Variants in PAK1 observed in about 807,000 individuals in gnomAD.
PAK1 encodes serine/threonine-protein kinase PAK 1.
A neutral mutation model predicts 67.4 loss-of-function variants in PAK1; 29 were observed. That is an observed-to-expected ratio of 0.43 (90% CI 0.32 to 0.59). The LOEUF (loss-of-function observed/expected upper bound fraction) is 0.59. Among genes scored for constraint, PAK1 ranks in the 20% least tolerant of loss-of-function variants. PAK1 has a pLI of 0.07. For synonymous variants in PAK1, 223 were observed against 237.4 expected (o/e 0.94, Z 0.56); for missense variants, 337 against 670.7 (o/e 0.50, Z 5.50).
At chr11:77,435,182 A>G (rs370674772) in intron 1 of PAK1, among the ~76,000 whole-genome samples, 2 of 152,124 alleles carry the variant, frequency 1.3e-5, no homozygotes, top group African/African-American at 4.8e-5. Flanking sequence ...TGAATTGTAT[A>G]CACTCTAAGT....
intron 1 of PAK1, among the ~76,000 whole-genome samples, chr11:77,440,257 AG>A (rs1956296802): frequency 6.6e-6 from 1 of 152,208 alleles, no homozygotes; most frequent in Admixed American, 6.5e-5. Context: ...AAAAATAGCC[AG>A]GTGCAGGGCC....
intron 5 of PAK1, among the ~76,000 whole-genome samples, chr11:77,365,441 T>C (rs1197398843): frequency 1.4e-5 from 2 of 146,968 alleles, no homozygotes. Flanking sequence ...ACAGAAAAAA[T>C]ATTTAAAGAA....
chr11:77,387,510 T>G (rs969042620), intron 2 of PAK1, among the ~76,000 whole-genome samples: 1 of 152,240 alleles, frequency 6.6e-6, no homozygotes, highest in Non-Finnish European at 1.5e-5. Context: ...CACTTTCCAC[T>G]TGTGAGACCT....
chr11:77,434,572 CA>C (rs1956024107), intron 1 of PAK1, among the ~76,000 whole-genome samples: 1 of 151,978 alleles, frequency 6.6e-6, no homozygotes, highest in African/African-American at 2.4e-5. Flanking sequence ...CTCAGCCTCC[CA>C]AGTAGCTGAA....
chr11:77,369,444 CTTTTTT>C (rs147630042), intron 5 of PAK1, among the ~76,000 whole-genome samples: 6 of 86,728 alleles, frequency 6.9e-5, no homozygotes, highest in East Asian at 3.3e-4. Context: ...TTATACATTT[CTTTTTT>C]TTTTTTTTTT....
chr11:77,329,830 A>C (rs997483971), intron 14 of PAK1, among the ~76,000 whole-genome samples: 1 of 152,170 alleles, frequency 6.6e-6, no homozygotes, highest in Non-Finnish European at 1.5e-5. Context: ...ATTAGGAAAA[A>C]AAGAAGTCAA....
At chr11:77,467,039 CA>C (rs1957630151) in intron 1 of PAK1, among the ~76,000 whole-genome samples, 1 of 152,184 alleles carries the variant, frequency 6.6e-6, no homozygotes, top group Admixed American at 6.5e-5. Flanking sequence ...CACGCCTCCC[CA>C]CTTTACACCC....
chr11:77,435,907 T>C (rs953483038), intron 1 of PAK1, among the ~76,000 whole-genome samples: 7 of 152,162 alleles, frequency 4.6e-5, no homozygotes, highest in Admixed American at 1.3e-4. Context: ...TTAAGTAGAT[T>C]TGTGTGTTTT....
intron 5 of PAK1, among the ~76,000 whole-genome samples, chr11:77,373,562 T>TAAA (rs34413403): frequency 5.0e-5 from 6 of 120,764 alleles, no homozygotes; most frequent in Non-Finnish European, 6.8e-5. Context: ...CTCGTCTCTT[T>TAAA]AAAAAAAAAA....
chr11:77,325,420 A>G (rs773354734), intron 14 of PAK1: 6 of 1,602,460 alleles, frequency 3.7e-6, no homozygotes, highest in Middle Eastern at 1.9e-4. Flanking sequence ...GAGTTGTTGT[A>G]AAGGACAATA....
intron 8 of PAK1, among the ~76,000 whole-genome samples, chr11:77,350,807 G>A (rs543052591): frequency 5.5e-4 from 84 of 152,082 alleles, no homozygotes; most frequent in Admixed American, 1.0e-3. Flanking sequence ...AATAAGGATT[G>A]GATGACTTGT....
intron 14 of PAK1, among the ~76,000 whole-genome samples, chr11:77,326,557 C>G (rs543906805): frequency 6.6e-6 from 1 of 152,060 alleles, no homozygotes; most frequent in Non-Finnish European, 1.5e-5. Flanking sequence ...TGGTGGTGCA[C>G]GCCTATAGTC....
At chr11:77,466,794 C>T (rs1210737830) in intron 1 of PAK1, among the ~76,000 whole-genome samples, 1 of 152,118 alleles carries the variant, frequency 6.6e-6, no homozygotes, top group Non-Finnish European at 1.5e-5. Flanking sequence ...ATAGAAAAAG[C>T]ATGATGAACT....
chr11:77,330,168 G>A (rs1189930684), intron 14 of PAK1, among the ~76,000 whole-genome samples: 9 of 152,252 alleles, frequency 5.9e-5, no homozygotes, highest in Middle Eastern at 3.4e-3. Flanking sequence ...TTCCATACTC[G>A]TGGGTAGGAA....
In PAK1 at chr11:77,473,919, G is replaced by C. The variant is rs984362596; in HGVS notation, c.-389C>G. The C allele has an allele frequency of 6.6e-6, 1 of 151,948 alleles. No individual in the cohort carries two copies. The highest frequency in any genetic ancestry group is 2.4e-5 in the African/African-American group (1 of 41,228). 9.4% of individuals were successfully genotyped at this position (151,948 alleles called of 1,614,324 possible). A position where few individuals can be genotyped will look rare whatever the true frequency, so the allele number is the denominator to read the frequency against. On this transcript the variant is annotated 5_prime_UTR_variant, in exon 1 of 15. Transcript: ENST00000356341. ...GAAAAGGGAATGAGAGTCCAAGGGG[G>C]AAGGCGTCTGTGGGGGAGGACTGCA...
chr11:77,379,424 C>T, intron 3 of PAK1, 36 bp from the exon 4 acceptor site: 1 of 1,595,756 alleles, frequency 6.3e-7, no homozygotes, highest in East Asian at 2.3e-5. Flanking sequence ...CAGGAAGGCA[C>T]AGTCACAGGG....
intron 1 of PAK1, among the ~76,000 whole-genome samples, chr11:77,407,257 G>A (rs1953729205): frequency 6.6e-6 from 1 of 152,012 alleles, no homozygotes; most frequent in South Asian, 2.1e-4. Flanking sequence ...TTTTATAATT[G>A]CCACCTACTA....
intron 1 of PAK1, among the ~76,000 whole-genome samples, chr11:77,413,671 G>A (rs1020191841): frequency 2.7e-5 from 4 of 150,878 alleles, no homozygotes; most frequent in Non-Finnish European, 5.9e-5. Flanking sequence ...CAACAAGAGC[G>A]AAACTCCATC....
chr11:77,327,315 T>A (rs766329784), intron 14 of PAK1, among the ~76,000 whole-genome samples: 1,557 of 152,060 alleles, frequency 0.01, 3 homozygotes, highest in Non-Finnish European at 0.017. Context: ...GAAGAGCAAC[T>A]CCAAGACACA....
Sources: allele counts gnomAD v4.1 joint callset (sites outside exome capture counted in the v4.1 genomes callset), GRCh38; gene constraint gnomAD v4.1.1; transcripts MANE v1.5; gene names NCBI Gene and HGNC (gene_info 2026-07-23, HGNC 2026-07-21).